BNC2: variants seen among roughly 807,000 people sequenced by gnomAD.
BNC2 encodes basonuclin zinc finger protein 2.
BNC2 carries 20 observed loss-of-function variants against 76.3 expected under a neutral mutation model. The observed-to-expected ratio is 0.26, with a 90% CI of 0.18 to 0.38. The LOEUF (loss-of-function observed/expected upper bound fraction) is 0.38, where lower values mean the gene tolerates loss of function less well. Among genes scored for constraint, BNC2 ranks in the 10% least tolerant of loss-of-function variants. The probability of loss-of-function intolerance (pLI) is 1.00; values close to 1 mark genes in which losing one functional copy is unlikely to be tolerated. For missense variants in BNC2, 1,382 were observed against 1,399.8 expected (o/e 0.99, Z 0.20); for synonymous variants, 582 against 514.8 (o/e 1.13, Z -1.77).
chr9:16,414,954 A>G lies in BNC2; in HGVS notation c.*4035T>C, dbSNP rs1315622402. 1 of 150,954 alleles carries G rather than the reference A, an allele frequency of 6.6e-6. No individual in the cohort carries two copies. Among genetic ancestry groups the G allele is most frequent in the Non-Finnish European group, 1.5e-5 (1 of 67,874 alleles). 9.4% of individuals were successfully genotyped at this position (150,954 alleles called of 1,614,324 possible). ...TTTTTTTTCCTTAGAGCAATGTATA[A>G]TAATGGGGCTGTTAACCAGTTAAGT... On this transcript the variant is annotated 3_prime_UTR_variant, in exon 7 of 7. Transcript: ENST00000380672.
At chr9:16,620,754 A>T (rs2133580080) in intron 3 of BNC2, among the ~76,000 whole-genome samples, 1 of 152,334 alleles carries the variant, frequency 6.6e-6, no homozygotes, top group East Asian at 1.9e-4. Context: ...AACAATGCTG[A>T]TCATTCTGAA....
intron 4 of BNC2, among the ~76,000 whole-genome samples, chr9:16,564,591 G>C (rs531107050): frequency 1.9e-3 from 291 of 152,082 alleles, no homozygotes; most frequent in African/African-American, 6.7e-3. Context: ...TTTAAATTTC[G>C]CTCTGCCCAA....
chr9:16,767,427 T>C (rs950252917), intron 1 of BNC2, among the ~76,000 whole-genome samples: 1 of 152,174 alleles, frequency 6.6e-6, no homozygotes, highest in Non-Finnish European at 1.5e-5. Context: ...CTAAGGGATA[T>C]GGGAGAGAAA....
intron 5 of BNC2, among the ~76,000 whole-genome samples, chr9:16,535,494 T>A (rs1317248056): frequency 1.3e-5 from 2 of 152,184 alleles, no homozygotes; most frequent in Non-Finnish European, 2.9e-5. Context: ...CTCCCTCATC[T>A]AGTGCATCTA....
intron 3 of BNC2, among the ~76,000 whole-genome samples, chr9:16,686,406 T>A (rs1430919841): frequency 1.3e-5 from 2 of 152,208 alleles, no homozygotes; most frequent in Non-Finnish European, 2.9e-5. Context: ...TTTTTTAAGA[T>A]TAAACAAGGT....
intron 3 of BNC2, among the ~76,000 whole-genome samples, chr9:16,584,287 C>T (rs111517454): frequency 6.6e-6 from 1 of 152,146 alleles, no homozygotes; most frequent in African/African-American, 2.4e-5. Flanking sequence ...TTTCTGGAAC[C>T]ATTAGGATTT....
At chr9:16,627,043 G>A (rs1049452543) in intron 3 of BNC2, among the ~76,000 whole-genome samples, 5 of 152,146 alleles carry the variant, frequency 3.3e-5, no homozygotes, top group Non-Finnish European at 5.9e-5. Flanking sequence ...CTGTTACACT[G>A]TGTCACAGAC....
At chr9:16,801,669 A>G (rs554016192) in intron 1 of BNC2, among the ~76,000 whole-genome samples, 1 of 152,136 alleles carries the variant, frequency 6.6e-6, no homozygotes, top group South Asian at 2.1e-4. Context: ...TACTTTACAA[A>G]GGAGTGAGAA....
intron 3 of BNC2, among the ~76,000 whole-genome samples, chr9:16,694,650 G>C (rs1053914157): frequency 6.6e-6 from 1 of 152,118 alleles, no homozygotes; most frequent in East Asian, 1.9e-4. Flanking sequence ...GAATCAACAC[G>C]GTTTTCTTTG....
chr9:16,712,560 A>G (rs1014136426), intron 3 of BNC2, among the ~76,000 whole-genome samples: 1 of 152,224 alleles, frequency 6.6e-6, no homozygotes, highest in East Asian at 1.9e-4. Context: ...CAACTGAAAC[A>G]CTAAAAGATG....
intron 5 of BNC2, among the ~76,000 whole-genome samples, chr9:16,481,762 TTATAA>T (rs1253623007): frequency 5.9e-5 from 9 of 152,072 alleles, no homozygotes; most frequent in South Asian, 2.1e-4. Context: ...TACAGTGTGG[TTATAA>T]TATATTTGGA....
At chr9:16,653,610 C>G (rs1821850080) in intron 3 of BNC2, among the ~76,000 whole-genome samples, 1 of 152,068 alleles carries the variant, frequency 6.6e-6, no homozygotes, top group Non-Finnish European at 1.5e-5. Context: ...GCCGTTTCAG[C>G]AGGCATCGGT....
At chr9:16,569,927 CCAA>C (rs1305882569) in intron 4 of BNC2, among the ~76,000 whole-genome samples, 9 of 152,228 alleles carry the variant, frequency 5.9e-5, no homozygotes, top group Admixed American at 1.3e-4. Flanking sequence ...AGTTTATGTA[CCAA>C]TGGATTTAAT....
chr9:16,458,730 A>G (rs1927637), intron 5 of BNC2, among the ~76,000 whole-genome samples: 46,950 of 151,882 alleles, frequency 0.31, 7,338 homozygotes, highest in Admixed American at 0.39. Flanking sequence ...TGTGATATAC[A>G]TTTGGCTCCA....
At chr9:16,758,677 T>C (rs983363541) in intron 1 of BNC2, among the ~76,000 whole-genome samples, 10 of 152,176 alleles carry the variant, frequency 6.6e-5, no homozygotes, top group South Asian at 2.1e-4. Flanking sequence ...TTCTTAAAAG[T>C]TGGTCATGCT....
chr9:16,680,653 A>C (rs983566537), intron 3 of BNC2, among the ~76,000 whole-genome samples: 1 of 151,906 alleles, frequency 6.6e-6, no homozygotes, highest in Non-Finnish European at 1.5e-5. Context: ...GAAAACAGAC[A>C]GGCCACCTGT....
intron 5 of BNC2, among the ~76,000 whole-genome samples, chr9:16,455,883 G>A (rs1465877188): frequency 6.6e-6 from 1 of 151,890 alleles, no homozygotes; most frequent in Non-Finnish European, 1.5e-5. Flanking sequence ...ATACCTAGTA[G>A]CATTTGTTAT....
At chr9:16,506,790 C>T (rs923071012) in intron 5 of BNC2, among the ~76,000 whole-genome samples, 1 of 151,556 alleles carries the variant, frequency 6.6e-6, no homozygotes, top group African/African-American at 2.4e-5. Context: ...TTGCTCTTGT[C>T]ACCCAGGCTG....
chr9:16,608,806 C>T (rs191709303), intron 3 of BNC2, among the ~76,000 whole-genome samples: 110 of 152,250 alleles, frequency 7.2e-4, no homozygotes, highest in Non-Finnish European at 1.2e-3. Flanking sequence ...TTCCAAAGCC[C>T]GGCAGAAGCA....
Sources: gnomAD v4.1 joint callset for allele counts (sites outside exome capture counted in the v4.1 genomes callset) on GRCh38, gnomAD v4.1.1 for gene constraint, MANE v1.5 for transcripts, NCBI Gene and HGNC (gene_info 2026-07-23, HGNC 2026-07-21) for gene names.